Variants in EZR observed in about 807,000 individuals in gnomAD.
EZR encodes the protein cytovillin 2.
In EZR, 40 loss-of-function variants were observed where a neutral mutation model predicts 74.8. That is an observed-to-expected ratio of 0.53 (90% CI 0.42 to 0.70). EZR has a LOEUF of 0.70. Among genes scored for constraint, EZR ranks in the 30% least tolerant of loss-of-function variants. The pLI is 0.00. For synonymous variants in EZR, 341 were observed against 283.3 expected (o/e 1.20, Z -2.05); for missense variants, 678 against 755.8 (o/e 0.90, Z 1.21).
At chr6:158,770,078 C>A (rs2128565175) in intron 10 of EZR, 134 bp from the exon 11 acceptor site, 1 of 1,210,184 alleles carries the variant, frequency 8.3e-7, no homozygotes, top group Non-Finnish European at 1.1e-6. Context: ...TCCAGTGACC[C>A]TGGAGGAAAG....
chr6:158,814,796 C>T (rs535033629), intron 2 of EZR, among the ~76,000 whole-genome samples: 1 of 152,258 alleles, frequency 6.6e-6, no homozygotes, highest in South Asian at 2.1e-4. Flanking sequence ...CCACCTCGGC[C>T]TCCCAAAGTG....
intron 12 of EZR, 72 bp from the exon 13 acceptor site, chr6:158,767,584 T>C: frequency 6.8e-7 from 1 of 1,464,384 alleles, no homozygotes; most frequent in Non-Finnish European, 9.2e-7. Context: ...GAACAGACTG[T>C]CACCTCCCTC....
rs145162889 is a variant in EZR at position 158,771,681 on chromosome 6, T to C, written c.796-274A>G. ...GGGCAGGTGCCGCGTGTGTGTGCAGTTGTGTGTGGGTAGGGACATCCTGCA... is the reference window on the plus strand; with the variant it reads ...GGGCAGGTGCCGCGTGTGTGTGCAGCTGTGTGTGGGTAGGGACATCCTGCA... On this transcript the variant is annotated intron_variant, in intron 8 of 13. Coordinates refer to ENST00000367075, the MANE Select transcript of EZR (RefSeq NM_001111077.2). Among the ~76,000 whole-genome samples, 620 of 152,252 alleles carry C rather than the reference T, an allele frequency of 4.1e-3. 4 individuals carry two copies. Among genetic ancestry groups the C allele is most frequent in the Middle Eastern group, 0.02 (6 of 294 alleles).
intron 2 of EZR, among the ~76,000 whole-genome samples, chr6:158,816,866 A>T (rs531134279): frequency 6.6e-6 from 1 of 152,294 alleles, no homozygotes; most frequent in East Asian, 1.9e-4. Context: ...TAGGCAGATC[A>T]CCTGAGGTCA....
Position 158,784,683 on chromosome 6 carries a change from C to T in EZR, c.512G>A (p.Arg171Gln), listed in dbSNP as rs774015874. The change falls in exon 6 of 14, where the codon CGG (arginine) becomes CAG (glutamine). Residue 171 changes from arginine to glutamine, a missense_variant. Physicochemically the swap from Arg to Gln is conservative, Grantham distance 43. Around this residue, in one of 3 missense-constraint regions of EZR, gnomAD observed 217 missense variants for 232.2 expected, o/e 0.93. Coordinates refer to ENST00000367075, the MANE Select transcript of EZR (RefSeq NM_001111077.2). Reference protein sequence around the residue: ...HKLTRDQWEDRIQVWHAEHRG... With the variant: ...HKLTRDQWEDQIQVWHAEHRG... ...GTGTTCCGCATGCCACACCTGGATC[C>T]GGTCCTCCCACTGGTCCCTGGTAAG... The T allele has an allele frequency of 3.7e-6, 6 of 1,614,198 alleles. No homozygotes were observed. Among genetic ancestry groups the T allele is most frequent in the Admixed American group, 1.7e-5 (1 of 60,034 alleles).
intron 2 of EZR, among the ~76,000 whole-genome samples, chr6:158,799,296 CA>C (rs1220211511): frequency 6.6e-6 from 1 of 152,192 alleles, no homozygotes; most frequent in African/African-American, 2.4e-5. Flanking sequence ...GAGGGGCCTA[CA>C]TTTCCATGTT....
At chr6:158,818,919 C>T (rs1296782907) in intron 1 of EZR, among the ~76,000 whole-genome samples, 1 of 152,056 alleles carries the variant, frequency 6.6e-6, no homozygotes, top group Non-Finnish European at 1.5e-5. Flanking sequence ...GAGGAACTTC[C>T]CGGGGCTGCC....
intron 7 of EZR, among the ~76,000 whole-genome samples, chr6:158,779,275 A>T (rs1791362979): frequency 6.6e-6 from 1 of 152,330 alleles, no homozygotes; most frequent in South Asian, 2.1e-4. Flanking sequence ...AGTACTCTTC[A>T]AAAATACCAA....
At chr6:158,785,187 T>C (rs1791540992) in intron 5 of EZR, 122 bp downstream of exon 5, 2 of 1,249,590 alleles carry the variant, frequency 1.6e-6, no homozygotes, top group Admixed American at 2.3e-5. Context: ...ATGACTAGCA[T>C]GAAGGAGCAC....
intron 8 of EZR, among the ~76,000 whole-genome samples, chr6:158,775,860 TAA>T (rs1791262457): frequency 6.6e-6 from 1 of 152,228 alleles, no homozygotes; most frequent in Admixed American, 6.5e-5. Context: ...TTTCAGGACA[TAA>T]AGTGTCGCCT....
intron 2 of EZR, among the ~76,000 whole-genome samples, chr6:158,791,672 G>T (rs1047322902): frequency 6.8e-6 from 1 of 147,686 alleles, no homozygotes; most frequent in Non-Finnish European, 1.5e-5. Flanking sequence ...AAAGACAAAT[G>T]ACCAGAGTCC....
intron 12 of EZR, among the ~76,000 whole-genome samples, chr6:158,768,929 AG>A (rs1791005820): frequency 6.6e-6 from 1 of 152,200 alleles, no homozygotes; most frequent in Non-Finnish European, 1.5e-5. Context: ...TACTAGCTGC[AG>A]GAGGTCGTGT....
chr6:158,780,182 CAA>C (rs67002848), intron 7 of EZR, among the ~76,000 whole-genome samples: 35 of 127,218 alleles, frequency 2.8e-4, no homozygotes, highest in South Asian at 7.7e-4. Context: ...GATTCCATAT[CAA>C]AAAAAAAAAA....
At position 158,769,933 on chromosome 6, in the gene EZR, GCT is replaced by G; in HGVS notation, c.1100_1101del (p.Glu367AlafsTer25). On this transcript the variant is annotated frameshift_variant, in exon 11 of 14. Coordinates refer to ENST00000367075, the MANE Select transcript of EZR (RefSeq NM_001111077.2). LOFTEE classifies it high-confidence loss of function. ...TCCAGCTGCAGGGCCCTCTGAATCT[GCT>G]CCGAGAGCTCTGCAAAGACACAAAG... The part of the protein sequence containing the change: ...KTKKAERELS[E>X]QIQRALQLEE... 1.9e-6 allele frequency: 3 copies of G among 1,610,412 alleles called. No individual in the cohort carries two copies. Among genetic ancestry groups the G allele is most frequent in the Non-Finnish European group, 2.5e-6 (3 of 1,179,982 alleles).
chr6:158,816,430 A>G (rs1777555502), intron 2 of EZR, among the ~76,000 whole-genome samples: 1 of 152,226 alleles, frequency 6.6e-6, no homozygotes, highest in Non-Finnish European at 1.5e-5. Flanking sequence ...CCTGAGTGCT[A>G]TCTTAGCTGA....
rs537212378 is a variant in EZR at position 158,818,730 on chromosome 6, T to TGGGA, written c.-73-568_-73-565dup. ...GGCCCGGGGAGAGGGAGCGCGCGCC[T>TGGGA]GGGAGAGAGAGGGCGAGGGGCAGGA... is the stretch of plus-strand genomic sequence containing the variant. On this transcript the variant is annotated intron_variant, in intron 1 of 13. Coordinates refer to ENST00000367075, the MANE Select transcript of EZR (RefSeq NM_001111077.2). 1.6e-3 allele frequency among the ~76,000 whole-genome samples: 214 copies of TGGGA among 137,346 alleles called. 1 individual carries two copies. Among genetic ancestry groups the TGGGA allele is most frequent in the African/African-American group, 5.7e-3 (203 of 35,722 alleles). The allele number at this position is 137,346 out of a possible 152,430, so 90.1% of individuals were successfully genotyped here.
rs549509348 is a variant in EZR, at chr6:158,773,195, C to T, written c.796-1788G>A. Among the ~76,000 whole-genome samples the T allele has an allele frequency of 1.1e-4, 17 of 152,246 alleles. No individual in the cohort carries two copies. The South Asian group carries it at 3.5e-3, about 32-fold the overall frequency. ...TCCCCTTTATGGGGTTGTGGGGGTGCATGGGTGGGGGGATCAATGAAAAAC... is the reference window on the plus strand; with the variant it reads ...TCCCCTTTATGGGGTTGTGGGGGTGTATGGGTGGGGGGATCAATGAAAAAC... On this transcript the variant is annotated intron_variant, in intron 8 of 13. Coordinates refer to ENST00000367075, the MANE Select transcript of EZR (RefSeq NM_001111077.2).
intron 2 of EZR, among the ~76,000 whole-genome samples, chr6:158,798,554 T>G (rs1777123277): frequency 6.6e-6 from 1 of 150,978 alleles, no homozygotes; most frequent in African/African-American, 2.4e-5. Flanking sequence ...AGGGCAGAGC[T>G]GAGAGGCTGG....
At chr6:158,807,035 A>G (rs951350271) in intron 2 of EZR, among the ~76,000 whole-genome samples, 2 of 152,172 alleles carry the variant, frequency 1.3e-5, no homozygotes, top group African/African-American at 4.8e-5. Flanking sequence ...ATAACAGGCC[A>G]GGCGCAGTGG....
Sources: allele counts gnomAD v4.1 joint callset (sites outside exome capture counted in the v4.1 genomes callset), GRCh38; gene constraint gnomAD v4.1.1; regional missense constraint gnomAD v4.1.1; transcripts MANE v1.5; gene names NCBI Gene and HGNC (gene_info 2026-07-23, HGNC 2026-07-21).